Variants in TULP3 observed in about 807,000 individuals in gnomAD.
The protein encoded by TULP3 is TUB like protein 3, also known as tubby-related protein 3.
A neutral mutation model predicts 50.7 loss-of-function variants in TULP3; 38 were observed. That is an observed-to-expected ratio of 0.75 (90% CI 0.58 to 0.98). The LOEUF (loss-of-function observed/expected upper bound fraction) is 0.98. Ranked by LOEUF, TULP3 falls within the 50% of genes least tolerant of loss-of-function variation. The probability of loss-of-function intolerance (pLI) is 0.00; values close to 1 mark genes in which losing one functional copy is unlikely to be tolerated. For missense variants in TULP3, 550 were observed against 568.0 expected (o/e 0.97, Z 0.32); for synonymous variants, 183 against 196.6 (o/e 0.93, Z 0.58).
At chr12:2,912,984 T>C (rs1413574918) in intron 2 of TULP3, among the ~76,000 whole-genome samples, 1 of 147,144 alleles carries the variant, frequency 6.8e-6, no homozygotes, top group East Asian at 2.0e-4. Context: ...TTTTTTTTTT[T>C]CTTCTTTTGA....
At chr12:2,933,294 AACAGCTTG>A in intron 6 of TULP3, 116 bp from the exon 7 acceptor site, 1 of 630,574 alleles carries the variant, frequency 1.6e-6, no homozygotes, top group Non-Finnish European at 2.8e-6. Flanking sequence ...CCCAAAGATT[AACAGCTTG>A]ACATATGCTG....
At chr12:2,933,778 C>T (rs2098199590) in intron 7 of TULP3, among the ~76,000 whole-genome samples, 1 of 151,996 alleles carries the variant, frequency 6.6e-6, no homozygotes, top group Non-Finnish European at 1.5e-5. Flanking sequence ...TGGCAGAACT[C>T]CCTCTCTACT....
chr12:2,922,416 A>G lies in TULP3; in HGVS notation c.394+14A>G, dbSNP rs1425786033. ...TCCAAAAGCATGGTGAGGACTGGTA[A>G]TGATTTTAAGGCAATTTGTCTCCTT... On this transcript the variant is annotated intron_variant, in intron 4 of 10. Transcript: ENST00000448120. 1 of 1,601,174 alleles carries G rather than the reference A, an allele frequency of 6.2e-7. No homozygotes were observed. Among genetic ancestry groups the G allele is most frequent in the Non-Finnish European group, 8.5e-7 (1 of 1,176,926 alleles).
At chr12:2,895,255 C>G (rs2098174822) in intron 1 of TULP3, among the ~76,000 whole-genome samples, 2 of 152,174 alleles carry the variant, frequency 1.3e-5, no homozygotes, top group South Asian at 4.1e-4. Context: ...GCCTCCCTCT[C>G]CCCAGGCAGT....
At chr12:2,903,478 C>T (rs1178187067) in intron 1 of TULP3, among the ~76,000 whole-genome samples, 1 of 151,106 alleles carries the variant, frequency 6.6e-6, no homozygotes. Flanking sequence ...AGGAGAATTG[C>T]TTGAACCCGG....
chr12:2,926,404 C>T (rs9630270), intron 4 of TULP3, among the ~76,000 whole-genome samples: 72,626 of 152,034 alleles, frequency 0.48, 17,821 homozygotes, highest in African/African-American at 0.6. Context: ...ATCACTTGAG[C>T]CCGGGAAGTT....
chr12:2,906,416 C>T (rs1032973089), intron 1 of TULP3, among the ~76,000 whole-genome samples: 2 of 151,268 alleles, frequency 1.3e-5, no homozygotes, highest in African/African-American at 4.9e-5. Flanking sequence ...GAATCCTCCG[C>T]CTCCTGGGTT....
intron 1 of TULP3, among the ~76,000 whole-genome samples, chr12:2,905,147 C>T (rs1328064502): frequency 6.6e-6 from 1 of 150,388 alleles, no homozygotes; most frequent in African/African-American, 2.5e-5. Context: ...CCAGATTAGA[C>T]TAGAAATTTT....
chr12:2,905,642 G>A (rs2334873), intron 1 of TULP3, among the ~76,000 whole-genome samples: 72,654 of 151,850 alleles, frequency 0.48, 17,843 homozygotes, highest in African/African-American at 0.6. Flanking sequence ...TCTTCTGTTC[G>A]GGTCAAAATG....
chr12:2,937,969 T>C (rs554608572), intron 9 of TULP3, 145 bp from the exon 10 acceptor site: 1 of 1,000,572 alleles, frequency 1.0e-6, no homozygotes, highest in East Asian at 2.6e-5. Flanking sequence ...AGAATAATTT[T>C]AAAAAAAACC....
At chr12:2,930,755 A>C (rs1043645663) in intron 5 of TULP3, 1 of 523,740 alleles carries the variant, frequency 1.9e-6, no homozygotes, top group Non-Finnish European at 3.4e-6. Context: ...AAATACCATT[A>C]CTGAGTGAGG....
chr12:2,940,771 C>T lies in TULP3; in HGVS notation c.*1327C>T, dbSNP rs1263199585. ...TGCGGGACCCTTGGCTTGTCCCCCA[C>T]CGACAAGTCCCACCTGCTGGGTGAG... On this transcript the variant is annotated 3_prime_UTR_variant, in exon 11 of 11. Coordinates refer to ENST00000448120, the MANE Select transcript of TULP3 (RefSeq NM_003324.5). 1.4e-6 allele frequency: 2 copies of T among 1,480,326 alleles called. No individual in the cohort carries two copies. Among genetic ancestry groups the T allele is most frequent in the Non-Finnish European group, 1.8e-6 (2 of 1,094,836 alleles). The allele number at this position is 1,480,326 out of a possible 1,614,324, so 91.7% of individuals were successfully genotyped here. A position where few individuals can be genotyped will look rare whatever the true frequency, so the allele number is the denominator to read the frequency against.
At chr12:2,930,611 G>C (rs2098197417) in intron 5 of TULP3, among the ~76,000 whole-genome samples, 1 of 152,028 alleles carries the variant, frequency 6.6e-6, no homozygotes, top group African/African-American at 2.4e-5. Context: ...TTTTAGTAGA[G>C]ACAGGGTTTC....
chr12:2,927,366 ATTTT>A (rs71057864), intron 4 of TULP3, among the ~76,000 whole-genome samples: 1 of 105,186 alleles, frequency 9.5e-6, no homozygotes, highest in African/African-American at 3.9e-5. Flanking sequence ...GTTGAGACTG[ATTTT>A]TTTTTTTTTT....
rs775538452 is a variant in TULP3, at chr12:2,922,353, C to T, written c.345C>T (p.Thr115=). The T allele has an allele frequency of 2.5e-5, 40 of 1,613,940 alleles. No homozygotes were observed. Among genetic ancestry groups the T allele is most frequent in the South Asian group, 4.4e-5 (4 of 91,082 alleles). Residue 115 remains threonine, a synonymous_variant, in exon 4 of 11, where the codon ACC becomes ACT. Coordinates refer to ENST00000448120, the MANE Select transcript of TULP3 (RefSeq NM_003324.5). ...TTGTGGAAGAAGATGCTGAAAACAC[C>T]GTGGATACTGCTTCCAAGCCAGGAC... The part of the protein sequence containing the change: ...SSVVEEDAEN[T]VDTASKPGLQ...
At chr12:2,912,590 G>A (rs1482707256) in intron 2 of TULP3, among the ~76,000 whole-genome samples, 2 of 152,186 alleles carry the variant, frequency 1.3e-5, no homozygotes, top group Non-Finnish European at 2.9e-5. Context: ...TGTAGGATAA[G>A]AAACAGCTAA....
intron 1 of TULP3, among the ~76,000 whole-genome samples, chr12:2,907,470 G>A (rs1156513156): frequency 6.0e-5 from 3 of 49,632 alleles, no homozygotes; most frequent in East Asian, 7.9e-4. Context: ...GTGAGACTCC[G>A]TCTCCAAAAA....
chr12:2,898,286 C>T (rs555042243), intron 1 of TULP3, among the ~76,000 whole-genome samples: 9 of 152,202 alleles, frequency 5.9e-5, no homozygotes, highest in African/African-American at 2.2e-4. Context: ...TGGGGACTTA[C>T]AATTAGTTTG....
chr12:2,925,837 C>T (rs1254945382), intron 4 of TULP3, among the ~76,000 whole-genome samples: 1 of 152,210 alleles, frequency 6.6e-6, no homozygotes, highest in Non-Finnish European at 1.5e-5. Context: ...GGTTCTTTAT[C>T]CCTGACTGTA....
Sources: gnomAD v4.1 joint callset for allele counts (sites outside exome capture counted in the v4.1 genomes callset) on GRCh38, gnomAD v4.1.1 for gene constraint, MANE v1.5 for transcripts, NCBI Gene and HGNC (gene_info 2026-07-23, HGNC 2026-07-21) for gene names.